The following CECR2 variants were observed in gnomAD, a reference collection of about 807,000 sequenced individuals.
CECR2 encodes the protein chromatin remodeling regulator CECR2.
Under a neutral mutation model 154.5 loss-of-function variants are expected in CECR2, and 30 were observed. The ratio of observed to expected loss-of-function variants is 0.19; its 90% CI spans 0.15 to 0.26. CECR2 has a LOEUF of 0.26. Among genes scored for constraint, CECR2 ranks in the 10% least tolerant of loss-of-function variants. The pLI is 1.00. For synonymous variants in CECR2, 725 were observed against 683.7 expected, an observed-to-expected ratio of 1.06 and a Z score of -0.94; for missense variants, 1,743 against 1,829.3, an observed-to-expected ratio of 0.95 and a Z score of 0.86.
At chr22:17,434,944 A>G (rs4819453) in intron 1 of CECR2, among the ~76,000 whole-genome samples, 4,701 of 152,260 alleles carry the variant, frequency 0.031, 102 homozygotes, top group Non-Finnish European at 0.05. Context: ...TTGTTGAAGT[A>G]CGAGCTAACC....
chr22:17,504,412 G>T (rs930663330), intron 6 of CECR2, among the ~76,000 whole-genome samples: 1 of 151,310 alleles, frequency 6.6e-6, no homozygotes, highest in Admixed American at 6.6e-5. Flanking sequence ...TCTTTTTTGA[G>T]TTCCTTATTT....
intron 9 of CECR2, among the ~76,000 whole-genome samples, chr22:17,527,753 C>T (rs1336894086): frequency 7.4e-6 from 1 of 135,152 alleles, no homozygotes; most frequent in African/African-American, 2.8e-5. Context: ...CTGGGCAATA[C>T]AGCAAGATTC....
At chr22:17,404,486 G>T (rs2053950665) in intron 1 of CECR2, among the ~76,000 whole-genome samples, 1 of 129,674 alleles carries the variant, frequency 7.7e-6, no homozygotes, top group South Asian at 2.4e-4. Flanking sequence ...CCATTCTCCT[G>T]CCTCAGCCTC....
intron 5 of CECR2, among the ~76,000 whole-genome samples, chr22:17,502,202 G>T (rs2055751391): frequency 6.6e-6 from 1 of 152,110 alleles, no homozygotes; most frequent in Non-Finnish European, 1.5e-5. Flanking sequence ...GCTCCATTTT[G>T]GGGGAAAGTT....
chr22:17,423,568 G>T (rs545446357), intron 1 of CECR2, among the ~76,000 whole-genome samples: 1 of 152,108 alleles, frequency 6.6e-6, no homozygotes, highest in Non-Finnish European at 1.5e-5. Flanking sequence ...CTCCTTTCCA[G>T]AGTGGTCTCC....
At chr22:17,490,552 A>G (rs888433676) in intron 2 of CECR2, among the ~76,000 whole-genome samples, 1 of 152,056 alleles carries the variant, frequency 6.6e-6, no homozygotes, top group Non-Finnish European at 1.5e-5. Flanking sequence ...CTCCTGCATC[A>G]GCCTCCCGAG....
intron 1 of CECR2, among the ~76,000 whole-genome samples, chr22:17,401,875 T>C (rs1191079570): frequency 7.4e-6 from 1 of 134,310 alleles, no homozygotes; most frequent in Non-Finnish European, 1.5e-5. Flanking sequence ...GGGGTCTCAC[T>C]GTGTTGCCCA....
At chr22:17,529,179 C>T (rs140825692) in intron 9 of CECR2, among the ~76,000 whole-genome samples, 2 of 152,250 alleles carry the variant, frequency 1.3e-5, no homozygotes, top group African/African-American at 4.8e-5. Context: ...AAGCGGAAGG[C>T]GCAGTGCAGA....
intron 1 of CECR2, among the ~76,000 whole-genome samples, chr22:17,389,837 A>G (rs1222748897): frequency 6.6e-6 from 1 of 152,128 alleles, no homozygotes; most frequent in Non-Finnish European, 1.5e-5. Context: ...CATGTTAGCC[A>G]GGCTGGTCTT....
intron 9 of CECR2, among the ~76,000 whole-genome samples, chr22:17,527,286 C>G (rs1437964660): frequency 6.6e-6 from 1 of 151,088 alleles, no homozygotes; most frequent in Non-Finnish European, 1.5e-5. Context: ...GGTAAAACCC[C>G]ATCTCTACAA....
At chr22:17,387,413 A>C (rs2146493499) in intron 1 of CECR2, among the ~76,000 whole-genome samples, 1 of 152,336 alleles carries the variant, frequency 6.6e-6, no homozygotes, top group Non-Finnish European at 1.5e-5. Flanking sequence ...CGTGGAAAAG[A>C]AGCTGAAAGG....
chr22:17,543,798 G>A (rs913978245), intron 16 of CECR2, among the ~76,000 whole-genome samples: 7 of 152,094 alleles, frequency 4.6e-5, no homozygotes, highest in Admixed American at 3.3e-4. Context: ...GACCTCAGGT[G>A]ATCGCCTGCC....
chr22:17,483,015 C>G (rs933469676), intron 2 of CECR2, among the ~76,000 whole-genome samples: 4 of 152,100 alleles, frequency 2.6e-5, no homozygotes, highest in African/African-American at 9.7e-5. Context: ...TAATATACAA[C>G]AGCCTCAGGC....
chr22:17,452,488 G>C (rs78100851), intron 1 of CECR2, among the ~76,000 whole-genome samples: 1 of 152,172 alleles, frequency 6.6e-6, no homozygotes, highest in Non-Finnish European at 1.5e-5. Flanking sequence ...GGTAGTGGAG[G>C]TAGAGGTAGT....
Position 17,549,050 on chromosome 22 carries a change from G to T in CECR2, c.3763G>T (p.Ala1255Ser), listed in dbSNP as rs758232907. Residue 1255 changes from alanine to serine, a missense_variant, in exon 17 of 19, where the codon GCC (alanine) becomes TCC (serine). Physicochemically the swap from Ala to Ser is moderately conservative, Grantham distance 99 (BLOSUM62 1). Coordinates refer to ENST00000262608, the MANE Select transcript of CECR2 (RefSeq NM_001290047.2). ...SLQGCETLNA[A>S]LTSPTRMDAV... is the part of the protein sequence containing the mutation. ...GCAAGGCTGTGAGACACTGAATGCT[G>T]CCTTAACTTCTCCAACCCGTATGGA... 3 of 1,613,904 alleles carry T rather than the reference G, an allele frequency of 1.9e-6. No individual in the cohort carries two copies. The highest frequency in any genetic ancestry group is 2.5e-6 in the Non-Finnish European group (3 of 1,179,900).
intron 1 of CECR2, among the ~76,000 whole-genome samples, chr22:17,435,684 TAAA>T (rs10694414): frequency 0.025 from 2,292 of 90,904 alleles, 82 homozygotes; most frequent in African/African-American, 0.084. Flanking sequence ...TTTTAATTCT[TAAA>T]AAAAAAAAAA....
chr22:17,535,317 C>CAA (rs556845647), intron 9 of CECR2, among the ~76,000 whole-genome samples: 5 of 141,612 alleles, frequency 3.5e-5, no homozygotes, highest in African/African-American at 1.3e-4. Flanking sequence ...GACTCCATCT[C>CAA]AAAAAAAAAA....
In CECR2 at chr22:17,465,647, G is replaced by A. The variant is rs543428770; in HGVS notation, c.127-11941G>A. On this transcript the variant is annotated intron_variant, in intron 1 of 18. Coordinates refer to ENST00000262608, the MANE Select transcript of CECR2 (RefSeq NM_001290047.2). ...TTACAGGTGCGTGCCACCATGCCTGGCTAATTTTTGTATTTTTAGTAGAGA... is the reference window on the plus strand; with the variant it reads ...TTACAGGTGCGTGCCACCATGCCTGACTAATTTTTGTATTTTTAGTAGAGA... Among the ~76,000 whole-genome samples the A allele has an allele frequency of 1.5e-3, 228 of 151,842 alleles. 1 individual carries two copies. Among genetic ancestry groups the A allele is most frequent in the Middle Eastern group, 0.01 (3 of 294 alleles).
At chr22:17,389,252 C>T (rs1242863333) in intron 1 of CECR2, among the ~76,000 whole-genome samples, 3 of 152,196 alleles carry the variant, frequency 2.0e-5, no homozygotes, top group Non-Finnish European at 4.4e-5. Flanking sequence ...CCCTCTTTCT[C>T]CCCACCAAGC....
Sources: allele counts gnomAD v4.1 joint callset (sites outside exome capture counted in the v4.1 genomes callset), GRCh38; gene constraint gnomAD v4.1.1; transcripts MANE v1.5; gene names NCBI Gene and HGNC (gene_info 2026-07-23, HGNC 2026-07-21).